The following TLR3 variants were observed in gnomAD, a reference collection of about 807,000 sequenced individuals.
The protein encoded by TLR3 is toll-like receptor 3.
TLR3 carries 43 observed loss-of-function variants against 66.4 expected under a neutral mutation model. That is an observed-to-expected ratio of 0.65 (90% confidence interval 0.51 to 0.83). The LOEUF (loss-of-function observed/expected upper bound fraction) is 0.83, where lower values mean the gene tolerates loss of function less well. Among genes scored for constraint, TLR3 ranks in the 40% least tolerant of loss-of-function variants. The probability of loss-of-function intolerance (pLI) is 0.00; values close to 1 mark genes in which losing one functional copy is unlikely to be tolerated. For missense variants in TLR3, 982 were observed against 1,044.6 expected (o/e 0.94, Z 0.83); for synonymous variants, 397 against 397.2 (o/e 1.00, Z 0.01).
In TLR3 at chr4:186,076,834, C is replaced by A; in HGVS notation, c.215C>A (p.Thr72Lys). ...AGAAGATTACCAGCCGCCAACTTCA[C>A]AAGGTATAGCCAGCTAACTAGCTTG... ...QLRRLPAANF[T>K]RYSQLTSLDV... Residue 72 changes from threonine (T) to lysine (K), a missense_variant, in exon 2 of 5, where the codon ACA becomes AAA. Thr to Lys is a moderately conservative substitution (Grantham distance 78). Around this residue, in one of 3 missense-constraint regions of TLR3, gnomAD observed 313 missense variants for 319.0 expected, o/e 0.98. Coordinates refer to ENST00000296795, the MANE Select transcript of TLR3 (RefSeq NM_003265.3). The A allele has an allele frequency of 6.2e-7, 1 of 1,614,152 alleles. No individual in the cohort carries two copies. Among genetic ancestry groups the A allele is most frequent in the Non-Finnish European group, 8.5e-7 (1 of 1,180,034 alleles).
chr4:186,077,116 G>A lies in TLR3; in HGVS notation c.441+56G>A. ...TTTTTAAGTCAGTTACCCATCCTTAGACTTACTATCTAAATATCAAGGAAA... is the reference window on the plus strand; with the variant it reads ...TTTTTAAGTCAGTTACCCATCCTTAAACTTACTATCTAAATATCAAGGAAA... On this transcript the variant is annotated intron_variant, in intron 2 of 4. Transcript: ENST00000296795. The A allele has an allele frequency of 2.0e-6, 3 of 1,520,694 alleles. No homozygotes were observed. In the South Asian group the frequency reaches 3.5e-5, roughly 18 times the overall value. 94.2% of individuals were successfully genotyped at this position (1,520,694 alleles called of 1,614,324 possible).
In TLR3 at chr4:186,083,954, T is replaced by C. The variant is rs746908885; in HGVS notation, c.2268T>C (p.Tyr756=). The part of the protein sequence containing the change: ...EIDRQTEQFE[Y]AAYIIHAYKD... The stretch of plus-strand genomic sequence containing the variant: ...ACAGACAGACAGAACAGTTTGAATA[T>C]GCAGCATATATAATTCATGCCTATA... Residue 756 remains tyrosine, a synonymous_variant, in exon 4 of 5, where the codon TAT becomes TAC. Transcript: ENST00000296795. The surrounding 1 kb of genome is among the most constrained non-coding windows in gnomAD (Gnocchi z 4.0). 6 of 1,614,180 alleles carry C rather than the reference T, an allele frequency of 3.7e-6. No homozygotes were observed. The highest frequency in any genetic ancestry group is 2.2e-5 in the East Asian group (1 of 44,882).
Position 186,084,953 on chromosome 4 carries a change from A to G in TLR3, c.*80A>G. On this transcript the variant is annotated 3_prime_UTR_variant, in exon 5 of 5. Coordinates refer to ENST00000296795, the MANE Select transcript of TLR3 (RefSeq NM_003265.3). Reference sequence around the variant, plus strand: ...TATGGCAAATTTAAGTTTTCCATAAAGGTGTTATAATTTGTTTATTCATAT... The same window carrying G: ...TATGGCAAATTTAAGTTTTCCATAAGGGTGTTATAATTTGTTTATTCATAT... 1 of 1,130,712 alleles carries G rather than the reference A, an allele frequency of 8.8e-7. No individual in the cohort carries two copies. The highest frequency in any genetic ancestry group is 1.4e-5 in the South Asian group (1 of 73,090). The allele number at this position is 1,130,712 out of a possible 1,614,324, so 70.0% of individuals were successfully genotyped here.
chr4:186,073,822 T>C (rs148552017), intron 1 of TLR3, among the ~76,000 whole-genome samples: 25 of 152,098 alleles, frequency 1.6e-4, no homozygotes, highest in African/African-American at 5.3e-4. Context: ...ATTTACAAAA[T>C]AGGAATCTGA....
rs937279736 is a variant in TLR3, at chr4:186,079,923, G to A, written c.633+892G>A. Among the ~76,000 whole-genome samples the A allele has an allele frequency of 1.2e-4, 18 of 152,298 alleles. No homozygotes were observed. In the South Asian group the frequency reaches 1.7e-3, roughly 14 times the overall value. ...GAGGGCTTTGAGCTGCACTGACAGC[G>A]CCCAGGTTGCAGTGGGCTAACTCGC... On this transcript the variant is annotated intron_variant, in intron 3 of 4. Coordinates refer to ENST00000296795, the MANE Select transcript of TLR3 (RefSeq NM_003265.3).
Position 186,084,903 on chromosome 4 carries a change from G to A in TLR3, c.*30G>A. 6.4e-7 allele frequency: 1 copy of A among 1,563,602 alleles called. No homozygotes were observed. Among genetic ancestry groups the A allele is most frequent in the South Asian group, 1.1e-5 (1 of 88,096 alleles). ...ATTTAAATATTCAATTAGCAAAGGA[G>A]AAACTTTCTCAATTTAAAAAGTTCT... On this transcript the variant is annotated 3_prime_UTR_variant, in exon 5 of 5. Transcript: ENST00000296795.
chr4:186,083,687 C>A lies in TLR3; in HGVS notation c.2001C>A (p.Asn667Lys). 1 of 1,598,056 alleles carries A rather than the reference C, an allele frequency of 6.3e-7. No individual in the cohort carries two copies. The change falls in exon 4 of 5, where the codon AAC (asparagine) becomes AAA (lysine). Residue 667 changes from asparagine to lysine, a missense_variant. Coordinates refer to ENST00000296795, the MANE Select transcript of TLR3 (RefSeq NM_003265.3). This position sits in a 1 kb window ranked among gnomAD's most constrained non-coding sequence, Gnocchi z 4.0. ...ATTGGATTAACGAGACCCATACCAA[C>A]ATCCCTGAGCTGTCAAGCCACTACC... ...FVNWINETHT[N>K]IPELSSHYLC...
At chr4:186,081,913 G>C (rs765256109) in intron 3 of TLR3, 2 of 220,918 alleles carry the variant, frequency 9.1e-6, no homozygotes, top group African/African-American at 4.7e-5. Flanking sequence ...TGTGGTGAAG[G>C]GTGAGCGGAG....
rs920696318 is a variant in TLR3 at position 186,085,147 on chromosome 4, G to A, written c.*274G>A. 1 of 411,866 alleles carries A rather than the reference G, an allele frequency of 2.4e-6. No individual in the cohort carries two copies. The highest frequency in any genetic ancestry group is 4.4e-6 in the Non-Finnish European group (1 of 228,868). 25.5% of individuals were successfully genotyped at this position (411,866 alleles called of 1,614,324 possible). ...ACAATCAGCCACTGAGCCTATGACA[G>A]CTTAAGGAGTTTGAAAACATTCCTC... On this transcript the variant is annotated 3_prime_UTR_variant, in exon 5 of 5. Coordinates refer to ENST00000296795, the MANE Select transcript of TLR3 (RefSeq NM_003265.3).
chr4:186,074,313 C>A (rs2099302035), intron 1 of TLR3, among the ~76,000 whole-genome samples: 1 of 152,214 alleles, frequency 6.6e-6, no homozygotes, highest in Admixed American at 6.5e-5. Flanking sequence ...GCCTGTGGCG[C>A]CCAGCCTGCA....
chr4:186,072,344 C>G (rs1416047239), intron 1 of TLR3, among the ~76,000 whole-genome samples: 1 of 152,162 alleles, frequency 6.6e-6, no homozygotes, highest in Non-Finnish European at 1.5e-5. Context: ...CGAAGTCTCA[C>G]TTTGTCACCC....
rs895508970 is a variant in TLR3 at position 186,086,472 on chromosome 4, T to A, written c.*1599T>A. 6.6e-6 allele frequency: 1 copy of A among 152,244 alleles called. No individual in the cohort carries two copies. The highest frequency in any genetic ancestry group is 2.4e-5 in the African/African-American group (1 of 41,470). The allele number at this position is 152,244 out of a possible 1,614,324, so 9.4% of individuals were successfully genotyped here. ...ACCTCTGGTTCTGAAGAGTCTATAG[T>A]CGGCCAACACTGTGAATGTGTGGAG... On this transcript the variant is annotated 3_prime_UTR_variant, in exon 5 of 5. Coordinates refer to ENST00000296795, the MANE Select transcript of TLR3 (RefSeq NM_003265.3).
Position 186,082,696 on chromosome 4 carries a change from G to A in TLR3, c.1010G>A (p.Ser337Asn), listed in dbSNP as rs759819677. 15 of 1,613,936 alleles carry A rather than the reference G, an allele frequency of 9.3e-6. No homozygotes were observed. The African/African-American group carries it at 1.9e-4, about 20-fold the overall frequency. Residue 337 changes from serine (S) to asparagine (N), a missense_variant, in exon 4 of 5, where the codon AGT becomes AAT. Coordinates refer to ENST00000296795, the MANE Select transcript of TLR3 (RefSeq NM_003265.3). ...LNLKRSFTKQ[S>N]ISLASLPKID... ...TTGAAACGGTCTTTTACTAAACAAA[G>A]TATTTCCCTTGCCTCACTCCCCAAG...
intron 1 of TLR3, among the ~76,000 whole-genome samples, chr4:186,071,679 GT>G (rs11320523): frequency 0.19 from 28,783 of 151,978 alleles, 2,934 homozygotes; most frequent in Middle Eastern, 0.27. Context: ...ATGGAAGCCA[GT>G]TTTTTTTGTT....
At chr4:186,072,201 C>T (rs76388442) in intron 1 of TLR3, among the ~76,000 whole-genome samples, 3,606 of 152,314 alleles carry the variant, frequency 0.024, 125 homozygotes, top group African/African-American at 0.068. Context: ...GGAGGAGCCT[C>T]AAGGAGCTTT....
chr4:186,077,844 C>T lies in TLR3; in HGVS notation c.441+784C>T, dbSNP rs114281003. 6.2e-3 allele frequency among the ~76,000 whole-genome samples: 923 copies of T among 147,810 alleles called. 6 individuals are homozygous for T. Among genetic ancestry groups the T allele is most frequent in the African/African-American group, 0.021 (861 of 40,184 alleles). On this transcript the variant is annotated intron_variant, in intron 2 of 4. Coordinates refer to ENST00000296795, the MANE Select transcript of TLR3 (RefSeq NM_003265.3). ...CTTTAGAGCACCAGAAAAAAAAAAA[C>T]GCATGTTATTGTTTCTAAATCTGAG...
At chr4:186,084,611 G>A (rs563547171) in intron 4 of TLR3, 34 bp from the exon 5 acceptor site, 50 of 1,400,654 alleles carry the variant, frequency 3.6e-5, no homozygotes, top group African/African-American at 3.1e-4. Context: ...GTTAAAAACC[G>A]TATATTAATT....
rs187048954 is a variant in TLR3 at position 186,087,626 on chromosome 4, A to G, written c.*2753A>G. ...TATTTAGGTTGTACCTAAAAATGATAACTTTTAGACTGTAATCAGAGGTAG... is the reference window on the plus strand; with the variant it reads ...TATTTAGGTTGTACCTAAAAATGATGACTTTTAGACTGTAATCAGAGGTAG... On this transcript the variant is annotated 3_prime_UTR_variant, in exon 5 of 5. Coordinates refer to ENST00000296795, the MANE Select transcript of TLR3 (RefSeq NM_003265.3). The G allele has an allele frequency of 1.2e-4, 18 of 152,332 alleles. No individual in the cohort carries two copies. The highest frequency in any genetic ancestry group is 4.3e-4 in the African/African-American group (18 of 41,566). The allele number at this position is 152,332 out of a possible 1,614,324, so 9.4% of individuals were successfully genotyped here.
At position 186,076,812 on chromosome 4, in the gene TLR3, A is replaced by G. The variant is rs1426754278; in HGVS notation, c.193A>G (p.Arg65Gly). The change falls in exon 2 of 5, where the codon AGA becomes GGA. Residue 65 changes from arginine to glycine, a missense_variant. By Grantham distance (125) the Arg-to-Gly change is moderately radical (BLOSUM62 -2). Coordinates refer to ENST00000296795, the MANE Select transcript of TLR3 (RefSeq NM_003265.3). Reference sequence around the variant, plus strand: ...GAACCTTACCCATAATCAACTCAGAAGATTACCAGCCGCCAACTTCACAAG... The same window carrying G: ...GAACCTTACCCATAATCAACTCAGAGGATTACCAGCCGCCAACTTCACAAG... ...VLNLTHNQLR[R>G]LPAANFTRYS... is the part of the protein sequence containing the mutation. The G allele has an allele frequency of 6.2e-7, 1 of 1,614,188 alleles. No individual in the cohort carries two copies. Among genetic ancestry groups the G allele is most frequent in the South Asian group, 1.1e-5 (1 of 91,084 alleles).
Sources: allele counts gnomAD v4.1 joint callset (sites outside exome capture counted in the v4.1 genomes callset), GRCh38; gene constraint gnomAD v4.1.1; regional missense constraint gnomAD v4.1.1; non-coding constraint Gnocchi (gnomAD v3.1); transcripts MANE v1.5; gene names NCBI Gene and HGNC (gene_info 2026-07-23, HGNC 2026-07-21).